Variants in GARIN2 observed in about 807,000 individuals in gnomAD.
GARIN2 encodes the protein Golgi-associated RAB2 interactor protein 2.
At chr14:67,212,964 A>G in the GARIN2 span, among the ~76,000 whole-genome samples, 4 of 151,782 alleles carry the variant, frequency 2.6e-5, no homozygotes, top group Non-Finnish European at 5.9e-5. Flanking sequence ...AGGTTTCTAT[A>G]TGAGTTGTTC....
At chr14:67,198,661 T>G in the GARIN2 span, among the ~76,000 whole-genome samples, 4 of 152,200 alleles carry the variant, frequency 2.6e-5, no homozygotes, top group African/African-American at 7.2e-5. Flanking sequence ...GAAGACATTC[T>G]AAAGAACATC....
At chr14:67,198,227 C>T in the GARIN2 span, 1 of 1,613,944 alleles carries the variant, frequency 6.2e-7, no homozygotes, top group Non-Finnish European at 8.5e-7. Context: ...GCACCCCACA[C>T]TCCCATGATC....
the GARIN2 span, among the ~76,000 whole-genome samples, chr14:67,208,768 G>A: frequency 6.6e-6 from 1 of 151,918 alleles, no homozygotes; most frequent in Admixed American, 6.6e-5. Context: ...GCGGTGGCGG[G>A]CACCTGTAAT....
the GARIN2 span, chr14:67,201,691 A>C: frequency 5.5e-6 from 2 of 364,624 alleles, no homozygotes; most frequent in African/African-American, 4.2e-5. Context: ...TCCCTGAGCC[A>C]TGATATTGGA....
At chr14:67,218,935 A>G in the GARIN2 span, among the ~76,000 whole-genome samples, 1 of 151,958 alleles carries the variant, frequency 6.6e-6, no homozygotes, top group Non-Finnish European at 1.5e-5. Context: ...ATCCTGGCCC[A>G]GGTTCTGCAC....
At chr14:67,193,040 CTAGATA>C in the GARIN2 span, among the ~76,000 whole-genome samples, 5 of 144,044 alleles carry the variant, frequency 3.5e-5, no homozygotes, top group Admixed American at 7.0e-5. Flanking sequence ...CTATCAATAT[CTAGATA>C]TAGATATATC....
the GARIN2 span, among the ~76,000 whole-genome samples, chr14:67,203,833 TCCC>T: frequency 6.6e-6 from 1 of 152,184 alleles, no homozygotes; most frequent in Non-Finnish European, 1.5e-5. Context: ...TGTCTCAGCC[TCCC>T]GAGTATCTGG....
At chr14:67,215,877 C>G in the GARIN2 span, among the ~76,000 whole-genome samples, 3 of 152,180 alleles carry the variant, frequency 2.0e-5, no homozygotes, top group African/African-American at 4.8e-5. Flanking sequence ...AAATCAAAAT[C>G]TCACAAAGTT....
chr14:67,209,215 T>C, the GARIN2 span, among the ~76,000 whole-genome samples: 2 of 152,192 alleles, frequency 1.3e-5, no homozygotes, highest in Non-Finnish European at 2.9e-5. Context: ...CAAGTCCATA[T>C]CTCATGGAGT....
chr14:67,211,319 C>A, the GARIN2 span, among the ~76,000 whole-genome samples: 1 of 152,062 alleles, frequency 6.6e-6, no homozygotes, highest in African/African-American at 2.4e-5. Flanking sequence ...ACAAAAAAAA[C>A]CTAATGTAGA....
At chr14:67,199,879 G>A in the GARIN2 span, 1 of 1,491,706 alleles carries the variant, frequency 6.7e-7, no homozygotes, top group Admixed American at 2.3e-5. Flanking sequence ...TGCAGGACAT[G>A]GCCCCCCATC....
At chr14:67,196,223 C>CTTTCTT in the GARIN2 span, among the ~76,000 whole-genome samples, 1 of 143,118 alleles carries the variant, frequency 7.0e-6, no homozygotes, top group African/African-American at 2.6e-5. Flanking sequence ...TTCTTTCTTT[C>CTTTCTT]TTTTTTTTTT....
At chr14:67,224,196 T>G in the GARIN2 span, among the ~76,000 whole-genome samples, 4 of 152,128 alleles carry the variant, frequency 2.6e-5, no homozygotes, top group African/African-American at 9.7e-5. Context: ...ATGACAACTT[T>G]ATGCATGAAA....
At chr14:67,202,087 G>A in the GARIN2 span, among the ~76,000 whole-genome samples, 2 of 152,196 alleles carry the variant, frequency 1.3e-5, no homozygotes, top group Non-Finnish European at 2.9e-5. Context: ...GCCAGAACTG[G>A]TCGATTGGTA....
At chr14:67,204,716 A>G in the GARIN2 span, 1 of 1,613,962 alleles carries the variant, frequency 6.2e-7, no homozygotes, top group Non-Finnish European at 8.5e-7. Flanking sequence ...GAGAAAGCCA[A>G]AGTTTCCAAA....
At chr14:67,217,918 A>G in the GARIN2 span, among the ~76,000 whole-genome samples, 1 of 152,110 alleles carries the variant, frequency 6.6e-6, no homozygotes, top group African/African-American at 2.4e-5. Context: ...CTCCAATTTT[A>G]TGGAGTAGTG....
At chr14:67,193,114 ATC>A in the GARIN2 span, among the ~76,000 whole-genome samples, 8 of 144,174 alleles carry the variant, frequency 5.5e-5, no homozygotes, top group South Asian at 6.8e-4. Flanking sequence ...CTATATAGAT[ATC>A]TCTCTATATA....
At chr14:67,198,389 G>C in the GARIN2 span, 1 of 1,409,710 alleles carries the variant, frequency 7.1e-7, no homozygotes, top group Non-Finnish European at 9.8e-7. Context: ...AAACTGAAAA[G>C]GATGGTAGGA....
the GARIN2 span, among the ~76,000 whole-genome samples, chr14:67,222,500 T>C: frequency 6.6e-6 from 1 of 152,186 alleles, no homozygotes. Context: ...GGTCTCGAAC[T>C]CCTGATGTCC....
Sources: gnomAD v4.1 joint callset for allele counts (sites outside exome capture counted in the v4.1 genomes callset) on GRCh38, gnomAD v4.1.1 for gene constraint, MANE v1.5 for transcripts, NCBI Gene and HGNC (gene_info 2026-07-23, HGNC 2026-07-21) for gene names.